The following SPATA17 variants were observed in gnomAD, a reference collection of about 807,000 sequenced individuals.
SPATA17 encodes the protein spermatogenesis-associated protein 17.
In SPATA17, 53 loss-of-function variants were observed where a neutral mutation model predicts 62.2. The observed-to-expected ratio is 0.85, with a 90% CI of 0.68 to 1.07. The LOEUF is 1.07. Among genes scored for constraint, SPATA17 ranks in the 50% least tolerant of loss-of-function variants. The pLI is 0.00. For synonymous variants in SPATA17, 146 were observed against 146.8 expected (o/e 0.99, Z 0.04); for missense variants, 466 against 425.5 (o/e 1.10, Z -0.84).
intron 7 of SPATA17, among the ~76,000 whole-genome samples, chr1:217,780,068 C>T (rs1673697171): frequency 6.6e-6 from 1 of 151,774 alleles, no homozygotes; most frequent in Non-Finnish European, 1.5e-5. Context: ...GTACAATCAG[C>T]AGATCTAAAG....
intron 5 of SPATA17, among the ~76,000 whole-genome samples, chr1:217,701,100 G>C (rs796111939): frequency 6.0e-5 from 9 of 150,848 alleles, no homozygotes; most frequent in African/African-American, 2.2e-4. Flanking sequence ...TTAGCCTGCC[G>C]AGTAGCTGGG....
chr1:217,763,742 A>G (rs1307911210), intron 6 of SPATA17, among the ~76,000 whole-genome samples: 1 of 152,222 alleles, frequency 6.6e-6, no homozygotes, highest in Non-Finnish European at 1.5e-5. Flanking sequence ...ATGGATATGA[A>G]TAGAAGCCTA....
intron 9 of SPATA17, among the ~76,000 whole-genome samples, chr1:217,831,386 T>A (rs1310657081): frequency 6.6e-6 from 1 of 152,120 alleles, no homozygotes; most frequent in African/African-American, 2.4e-5. Flanking sequence ...ATAGAACTCT[T>A]CATCTCCTCC....
intron 5 of SPATA17, among the ~76,000 whole-genome samples, chr1:217,723,874 C>G (rs549959081): frequency 6.6e-6 from 1 of 152,326 alleles, no homozygotes; most frequent in South Asian, 2.1e-4. Flanking sequence ...CACCACAGTA[C>G]TAAGCAGACA....
intron 5 of SPATA17, among the ~76,000 whole-genome samples, chr1:217,689,458 T>C (rs1671298845): frequency 6.6e-6 from 1 of 152,110 alleles, no homozygotes; most frequent in Admixed American, 6.5e-5. Context: ...ACTCCTGGCC[T>C]CAGGTGATCT....
intron 5 of SPATA17, among the ~76,000 whole-genome samples, chr1:217,699,147 G>T (rs1671533128): frequency 6.6e-6 from 1 of 152,170 alleles, no homozygotes; most frequent in Non-Finnish European, 1.5e-5. Flanking sequence ...GAGCTTTTAT[G>T]AATGAAGCTA....
At chr1:217,861,441 G>T (rs575723491) in intron 9 of SPATA17, among the ~76,000 whole-genome samples, 14 of 150,294 alleles carry the variant, frequency 9.3e-5, no homozygotes, top group African/African-American at 3.4e-4. Context: ...CTGAGTTTCA[G>T]TGTTATCAAG....
At position 217,744,077 on chromosome 1, in the gene SPATA17, C is replaced by A. The variant is rs562979743; in HGVS notation, c.519+1979C>A. On this transcript the variant is annotated intron_variant, in intron 6 of 10. Transcript: ENST00000366933. ...ATATCTATGGAGTGCTTACCATGTG[C>A]CAAACAGTATTATAGAGACTTTCTA... Among the ~76,000 whole-genome samples the A allele has an allele frequency of 1.3e-4, 20 of 152,074 alleles. No individual in the cohort carries two copies. The East Asian group carries it at 3.5e-3, about 26-fold the overall frequency.
At chr1:217,722,831 G>A (rs143524280) in intron 5 of SPATA17, among the ~76,000 whole-genome samples, 343 of 152,146 alleles carry the variant, frequency 2.3e-3, no homozygotes, top group African/African-American at 7.9e-3. Context: ...GCAAGGTATC[G>A]TGACTTTTTT....
chr1:217,800,615 T>C (rs1267616748), intron 8 of SPATA17, among the ~76,000 whole-genome samples: 2 of 152,188 alleles, frequency 1.3e-5, no homozygotes, highest in Non-Finnish European at 1.5e-5. Flanking sequence ...CTTCTCTCAC[T>C]TTCTGCAATA....
intron 5 of SPATA17, among the ~76,000 whole-genome samples, chr1:217,738,663 T>C (rs527891285): frequency 5.9e-5 from 9 of 152,094 alleles, no homozygotes; most frequent in Non-Finnish European, 4.4e-5. Flanking sequence ...TGAGAGTCTA[T>C]GCTCTTGGCC....
chr1:217,765,225 G>T (rs1276078556), intron 6 of SPATA17, among the ~76,000 whole-genome samples: 2 of 150,302 alleles, frequency 1.3e-5, no homozygotes, highest in Admixed American at 6.6e-5. Context: ...ACCAGCTTTT[G>T]GTTTGTTGAT....
chr1:217,849,876 G>T (rs1232502751), intron 9 of SPATA17, among the ~76,000 whole-genome samples: 1 of 152,066 alleles, frequency 6.6e-6, no homozygotes, highest in South Asian at 2.1e-4. Context: ...AATGCCTGAC[G>T]GTTTCTGGGT....
intron 5 of SPATA17, among the ~76,000 whole-genome samples, chr1:217,709,359 C>G (rs928296724): frequency 6.6e-6 from 1 of 152,162 alleles, no homozygotes; most frequent in Admixed American, 6.6e-5. Flanking sequence ...GGGCTGCTGC[C>G]TCATGTGAAA....
chr1:217,758,462 C>G (rs773928966), intron 6 of SPATA17, among the ~76,000 whole-genome samples: 4 of 152,108 alleles, frequency 2.6e-5, no homozygotes, highest in Non-Finnish European at 4.4e-5. Flanking sequence ...TAAGGTAGTT[C>G]CATTACTATG....
At chr1:217,834,242 A>G (rs988558452) in intron 9 of SPATA17, among the ~76,000 whole-genome samples, 10 of 152,210 alleles carry the variant, frequency 6.6e-5, no homozygotes, top group African/African-American at 2.4e-4. Flanking sequence ...ATAATACTTG[A>G]TAACGATAAT....
At chr1:217,856,116 AC>A (rs1457955743) in intron 9 of SPATA17, among the ~76,000 whole-genome samples, 1 of 152,138 alleles carries the variant, frequency 6.6e-6, no homozygotes, top group Non-Finnish European at 1.5e-5. Context: ...ATTTAGATAT[AC>A]CCACATTGAA....
chr1:217,858,522 T>G (rs189734240), intron 9 of SPATA17, among the ~76,000 whole-genome samples: 1 of 152,320 alleles, frequency 6.6e-6, no homozygotes, highest in Non-Finnish European at 1.5e-5. Flanking sequence ...AAAATAGATA[T>G]CATTTCTTCC....
At chr1:217,650,530 C>T (rs1670285702) in intron 2 of SPATA17, among the ~76,000 whole-genome samples, 1 of 152,068 alleles carries the variant, frequency 6.6e-6, no homozygotes, top group African/African-American at 2.4e-5. Flanking sequence ...GATTCTCCTG[C>T]CTCAGCCTCC....
Sources: allele counts gnomAD v4.1 joint callset (sites outside exome capture counted in the v4.1 genomes callset), GRCh38; gene constraint gnomAD v4.1.1; transcripts MANE v1.5; gene names NCBI Gene and HGNC (gene_info 2026-07-23, HGNC 2026-07-21).